Variants in CCDC102B observed in about 807,000 individuals in gnomAD.
CCDC102B encodes the protein coiled-coil domain-containing protein 102B.
A neutral mutation model predicts 57.4 loss-of-function variants in CCDC102B; 75 were observed. That is an observed-to-expected ratio of 1.31 (90% CI 1.08 to 1.58). CCDC102B has a LOEUF of 1.58. Ranked by LOEUF, CCDC102B falls within the 40% of genes most tolerant of loss-of-function variation. The pLI, the probability that CCDC102B is intolerant of heterozygous loss-of-function variation, is 0.00. For missense variants in CCDC102B, 636 were observed against 582.6 expected, an observed-to-expected ratio of 1.09 and a Z score of -0.94; for synonymous variants, 206 against 201.9, an observed-to-expected ratio of 1.02 and a Z score of -0.17.
At position 68,779,194 on chromosome 18, in the gene CCDC102B, A is replaced by C. The variant is rs117549273; in HGVS notation, c.-66-44172A>C. 1.8e-3 allele frequency among the ~76,000 whole-genome samples: 276 copies of C among 152,258 alleles called. 3 individuals are homozygous for C. The East Asian group carries it at 0.043, about 24-fold the overall frequency. Reference sequence around the variant, plus strand: ...TTACTCTGCTAGGAAATTTATGTGCATACACACGTGTTTGTGTTTTTATAG... The same window carrying C: ...TTACTCTGCTAGGAAATTTATGTGCCTACACACGTGTTTGTGTTTTTATAG... On this transcript the variant is annotated intron_variant, in intron 2 of 3. Transcript: ENST00000578970.
intron 2 of CCDC102B, among the ~76,000 whole-genome samples, chr18:68,778,649 C>T (rs1176543276): frequency 2.6e-5 from 4 of 151,948 alleles, no homozygotes; most frequent in East Asian, 1.9e-4. Context: ...TCCCAAATCC[C>T]GCATGCATAA....
rs976534166 is a variant in CCDC102B at position 68,892,838 on chromosome 18, G to A, written c.1054-4381G>A. Among the ~76,000 whole-genome samples, 35 of 152,146 alleles carry A rather than the reference G, an allele frequency of 2.3e-4. 1 individual carries two copies. Among genetic ancestry groups the A allele is most frequent in the Non-Finnish European group, 4.7e-4 (32 of 68,032 alleles). ...AGGGATACTGCAAAGCTTAAAAATA[G>A]GTATAACATCAATACATATGTAAGG... On this transcript the variant is annotated intron_variant, in intron 5 of 7. Coordinates refer to ENST00000360242, the MANE Select transcript of CCDC102B (RefSeq NM_024781.3).
At chr18:68,917,175 T>C (rs1214761998) in intron 6 of CCDC102B, among the ~76,000 whole-genome samples, 2 of 152,200 alleles carry the variant, frequency 1.3e-5, no homozygotes, top group Non-Finnish European at 2.9e-5. Flanking sequence ...ACCAGCATTT[T>C]TTTTTTCTTT....
At chr18:68,929,284 T>C (rs2041585429) in intron 6 of CCDC102B, among the ~76,000 whole-genome samples, 2 of 151,898 alleles carry the variant, frequency 1.3e-5, no homozygotes, top group South Asian at 4.1e-4. Flanking sequence ...AATTTCACCC[T>C]TCAGTGTCTC....
chr18:68,742,534 GT>G (rs1243750017), intron 2 of CCDC102B, among the ~76,000 whole-genome samples: 3 of 152,176 alleles, frequency 2.0e-5, no homozygotes, highest in Admixed American at 6.5e-5. Flanking sequence ...AGTGATTAAT[GT>G]TTGTATATAA....
chr18:69,025,673 C>T (rs947306415), intron 7 of CCDC102B, among the ~76,000 whole-genome samples: 5 of 152,048 alleles, frequency 3.3e-5, no homozygotes, highest in Admixed American at 2.6e-4. Flanking sequence ...TGAATAGCTC[C>T]GGAAAGGGAA....
At chr18:68,743,886 T>G (rs935193292) in intron 2 of CCDC102B, among the ~76,000 whole-genome samples, 1 of 152,226 alleles carries the variant, frequency 6.6e-6, no homozygotes, top group Non-Finnish European at 1.5e-5. Flanking sequence ...ATTGTTTCTG[T>G]TTTTTAGTTG....
chr18:68,786,324 C>G (rs1198671384), intron 2 of CCDC102B, among the ~76,000 whole-genome samples: 1 of 147,768 alleles, frequency 6.8e-6, no homozygotes, highest in African/African-American at 2.5e-5. Flanking sequence ...TTTTTTGGTT[C>G]CATATGAACT....
intron 7 of CCDC102B, among the ~76,000 whole-genome samples, chr18:69,038,595 C>A (rs533872370): frequency 1.3e-5 from 2 of 151,966 alleles, no homozygotes; most frequent in African/African-American, 4.8e-5. Flanking sequence ...CATAAGGGAT[C>A]CTTCCTGCCA....
chr18:68,990,066 A>AT (rs2050824926), intron 6 of CCDC102B, among the ~76,000 whole-genome samples: 1 of 152,186 alleles, frequency 6.6e-6, no homozygotes, highest in African/African-American at 2.4e-5. Flanking sequence ...GTTCCAAAAA[A>AT]TTCTGAAATT....
chr18:68,961,949 A>G (rs118140488), intron 6 of CCDC102B, among the ~76,000 whole-genome samples: 289 of 152,164 alleles, frequency 1.9e-3, no homozygotes, highest in Non-Finnish European at 3.5e-3. Context: ...GGATCTCTGA[A>G]CATTTTACTG....
At chr18:68,852,478 T>G (rs1327470525) in intron 4 of CCDC102B, among the ~76,000 whole-genome samples, 1 of 152,192 alleles carries the variant, frequency 6.6e-6, no homozygotes, top group Non-Finnish European at 1.5e-5. Flanking sequence ...ACATCACATC[T>G]ACATTACTTA....
chr18:69,002,935 G>A (rs1209859532), intron 6 of CCDC102B, among the ~76,000 whole-genome samples: 4 of 152,064 alleles, frequency 2.6e-5, no homozygotes, highest in African/African-American at 9.7e-5. Context: ...AAATCTGTTA[G>A]AAGAGTTCTC....
chr18:69,053,334 A>C (rs1212243664), intron 7 of CCDC102B, among the ~76,000 whole-genome samples: 1 of 151,326 alleles, frequency 6.6e-6, no homozygotes, highest in African/African-American at 2.4e-5. Flanking sequence ...ATATATATAT[A>C]TATACACTTA....
At chr18:68,968,010 T>C (rs1034931105) in intron 6 of CCDC102B, among the ~76,000 whole-genome samples, 7 of 152,112 alleles carry the variant, frequency 4.6e-5, no homozygotes, top group Non-Finnish European at 8.8e-5. Context: ...ATAAGGCAAA[T>C]GGAAATCTAA....
At chr18:68,971,389 A>G (rs912591471) in intron 6 of CCDC102B, among the ~76,000 whole-genome samples, 3 of 152,100 alleles carry the variant, frequency 2.0e-5, no homozygotes, top group African/African-American at 7.2e-5. Flanking sequence ...CCACTCAGCA[A>G]TTATCTAGTG....
chr18:68,857,256 T>A (rs2038477454), intron 4 of CCDC102B, among the ~76,000 whole-genome samples: 8 of 55,260 alleles, frequency 1.4e-4, no homozygotes, highest in Non-Finnish European at 2.5e-4. Context: ...ATTTATTATT[T>A]AAATATATAA....
chr18:69,056,655 A>C (rs910293677), downstream of CCDC102B, among the ~76,000 whole-genome samples: 1 of 151,842 alleles, frequency 6.6e-6, no homozygotes, highest in African/African-American at 2.4e-5. Context: ...ATAGATAGAT[A>C]GATAGATAGA....
intron 1 of CCDC102B, among the ~76,000 whole-genome samples, chr18:68,825,560 C>A (rs1021851322): frequency 6.6e-6 from 1 of 151,934 alleles, no homozygotes; most frequent in African/African-American, 2.4e-5. Flanking sequence ...CATGGTGGTG[C>A]GTGCCTGTAG....
Sources: gnomAD v4.1 joint callset for allele counts (sites outside exome capture counted in the v4.1 genomes callset) on GRCh38, gnomAD v4.1.1 for gene constraint, MANE v1.5 for transcripts, NCBI Gene and HGNC (gene_info 2026-07-23, HGNC 2026-07-21) for gene names.